Variants in EPRS1 observed in about 807,000 individuals in gnomAD.
The protein encoded by EPRS1 is bifunctional glutamate/proline--tRNA ligase.
Under a neutral mutation model 188.3 loss-of-function variants are expected in EPRS1, and 107 were observed. The observed-to-expected ratio is 0.57, with a 90% CI of 0.49 to 0.67. The LOEUF (loss-of-function observed/expected upper bound fraction) is 0.67, where lower values mean the gene tolerates loss of function less well. EPRS1 is among the 30% of genes least tolerant of loss of function. The probability of loss-of-function intolerance (pLI) is 0.00; values close to 1 mark genes in which losing one functional copy is unlikely to be tolerated. For missense variants in EPRS1, 1,577 were observed against 1,802.2 expected (o/e 0.88, Z 2.26); for synonymous variants, 596 against 593.1 (o/e 1.00, Z -0.07).
rs1660607792 is a variant in EPRS1 at position 219,968,606 on chromosome 1, CATG to C, written c.*197_*199del. On this transcript the variant is annotated 3_prime_UTR_variant, in exon 32 of 32. Transcript: ENST00000366923. ...AATGAATACAAAAACCATATTAGTTCATGATATTTATTACTGGAGTTGTTTACA... is the reference window on the plus strand; with the variant it reads ...AATGAATACAAAAACCATATTAGTTCATATTTATTACTGGAGTTGTTTACA... 2 of 546,040 alleles carry C rather than the reference CATG, an allele frequency of 3.7e-6. No homozygotes were observed. The highest frequency in any genetic ancestry group is 6.5e-6 in the Non-Finnish European group (2 of 306,538). 33.8% of individuals were successfully genotyped at this position (546,040 alleles called of 1,614,324 possible).
At chr1:219,969,816 C>T (rs1660630085) in intron 30 of EPRS1, among the ~76,000 whole-genome samples, 1 of 152,002 alleles carries the variant, frequency 6.6e-6, no homozygotes, top group East Asian at 1.9e-4. Context: ...ACTAGACAAG[C>T]ATTAAAAAAA....
chr1:220,022,583 T>TA, intron 8 of EPRS1, 65 bp from the exon 9 acceptor site: 1 of 1,229,512 alleles, frequency 8.1e-7, no homozygotes, highest in Non-Finnish European at 1.1e-6. Flanking sequence ...CTCATAGTGC[T>TA]ATAATTTGAT....
chr1:219,988,426 T>C (rs927652564), intron 19 of EPRS1, among the ~76,000 whole-genome samples, 164 bp downstream of exon 19: 2 of 151,960 alleles, frequency 1.3e-5, no homozygotes, highest in African/African-American at 4.8e-5. Flanking sequence ...CTAGTTGGCG[T>C]AAGAAACAAT....
intron 15 of EPRS1, 117 bp downstream of exon 15, chr1:220,005,989 A>T: frequency 1.7e-6 from 1 of 572,912 alleles, no homozygotes; most frequent in Non-Finnish European, 2.9e-6. Flanking sequence ...CATTTGATTT[A>T]AATAAAATTC....
chr1:219,980,853 C>A lies in EPRS1; in HGVS notation c.3458G>T (p.Trp1153Leu). 2 of 1,609,154 alleles carry A rather than the reference C, an allele frequency of 1.2e-6. No homozygotes were observed. The highest frequency in any genetic ancestry group is 8.5e-7 in the Non-Finnish European group (1 of 1,176,712). Residue 1153 changes from tryptophan (W) to leucine (L), a missense_variant, in exon 25 of 32, where the codon TGG becomes TTG. Trp to Leu is a moderately conservative substitution (Grantham distance 61). This residue lies in a region of EPRS1 where 1,278 missense variants were observed against 1,457.4 expected (regional missense o/e 0.88). Coordinates refer to ENST00000366923, the MANE Select transcript of EPRS1 (RefSeq NM_004446.3). ...GAAAGGCTGAGGATGCTTGAATTCCCAACGCTGGAAGAGGCAAGAAAACAA... is the reference window on the plus strand; with the variant it reads ...GAAAGGCTGAGGATGCTTGAATTCCAAACGCTGGAAGAGGCAAGAAAACAA... ...KLNQWCNVVR[W>L]EFKHPQPFLR...
rs759409510 is a variant in EPRS1 at position 219,997,012 on chromosome 1, G to A, written c.2512C>T (p.Arg838Cys). The A allele has an allele frequency of 4.4e-6, 7 of 1,606,502 alleles. No homozygotes were observed. The highest frequency in any genetic ancestry group is 1.1e-5 in the South Asian group (1 of 89,896). ...DEVAAQGEVV[R>C]KLKAEKSPKA... The stretch of plus-strand genomic sequence containing the variant: ...GGGGATTTTTCAGCTTTTAGCTTAC[G>A]AACCACCTCCCCTTGTGCAGCAACT... The change falls in exon 18 of 32, where the codon CGT becomes TGT. Residue 838 changes from arginine (R) to cysteine (C), a missense_variant. By Grantham distance (180) the Arg-to-Cys change is radical. Coordinates refer to ENST00000366923, the MANE Select transcript of EPRS1 (RefSeq NM_004446.3).
In EPRS1 at chr1:220,006,321, T is replaced by C. The variant is rs1558052911; in HGVS notation, c.1743-8A>G. On this transcript the variant is annotated splice_polypyrimidine_tract_variant and splice_region_variant and intron_variant, in intron 14 of 31. Coordinates refer to ENST00000366923, the MANE Select transcript of EPRS1 (RefSeq NM_004446.3). Reference sequence around the variant, plus strand: ...ATTTTTCCATCTGCATTTCTAGATATAAGATTAAAAGTATTCAAAGAAATA... The same window carrying C: ...ATTTTTCCATCTGCATTTCTAGATACAAGATTAAAAGTATTCAAAGAAATA... The C allele has an allele frequency of 2.0e-6, 3 of 1,474,204 alleles. No individual in the cohort carries two copies. Among genetic ancestry groups the C allele is most frequent in the African/African-American group, 1.4e-5 (1 of 71,922 alleles). 91.3% of individuals were successfully genotyped at this position (1,474,204 alleles called of 1,614,324 possible).
At chr1:220,045,881 G>C (rs562804723) in intron 1 of EPRS1, among the ~76,000 whole-genome samples, 2 of 152,340 alleles carry the variant, frequency 1.3e-5, no homozygotes, top group African/African-American at 4.8e-5. Context: ...CAAGTGAACT[G>C]AGGATTTCTC....
chr1:220,040,925 T>TAA (rs76831282), intron 1 of EPRS1, among the ~76,000 whole-genome samples: 2 of 130,620 alleles, frequency 1.5e-5, no homozygotes, highest in East Asian at 2.2e-4. Context: ...TTTAAAAAAC[T>TAA]AAAAAAAAAA....
rs1661897607 is a variant in EPRS1 at position 220,022,537 on chromosome 1, A to G, written c.944-19T>C. ...TCAATAGCTATAAAATGATAATTAC[A>G]TTACGGTTCACTAATCTGGTTAAAT... is the stretch of plus-strand genomic sequence containing the variant. On this transcript the variant is annotated intron_variant, in intron 8 of 31. Transcript: ENST00000366923. 1 of 1,571,730 alleles carries G rather than the reference A, an allele frequency of 6.4e-7. No homozygotes were observed. Among genetic ancestry groups the G allele is most frequent in the Non-Finnish European group, 8.7e-7 (1 of 1,148,382 alleles).
rs561586376 is a variant in EPRS1 at position 219,997,614 on chromosome 1, G to A, written c.2182-272C>T. ...ATACCCTAAATCTTTGTCATTAGGG[G>A]ACTAAAGAAATTATAACATATCCAT... On this transcript the variant is annotated intron_variant, in intron 17 of 31. Transcript: ENST00000366923. Among the ~76,000 whole-genome samples the A allele has an allele frequency of 3.3e-5, 5 of 152,216 alleles. No homozygotes were observed. The East Asian group carries it at 9.7e-4, about 29-fold the overall frequency.
chr1:220,038,998 C>T lies in EPRS1; in HGVS notation c.131+1187G>A, dbSNP rs1662243143. On this transcript the variant is annotated intron_variant, in intron 2 of 31. Transcript: ENST00000366923. ...CAACTGCATTTCTTTTGGAAAGATG[C>T]TTTCTTGGCCAGATGAGGAAATTCT... Among the ~76,000 whole-genome samples the T allele has an allele frequency of 3.3e-5, 5 of 152,170 alleles. No individual in the cohort carries two copies. The South Asian group carries it at 1.0e-3, about 32-fold the overall frequency.
At chr1:220,022,084 C>G (rs1259792188) in intron 9 of EPRS1, among the ~76,000 whole-genome samples, 1 of 151,274 alleles carries the variant, frequency 6.6e-6, no homozygotes, top group African/African-American at 2.4e-5. Flanking sequence ...TATACCTAAT[C>G]AATACAAAAA....
At chr1:219,985,837 T>C (rs1195021197) in intron 20 of EPRS1, among the ~76,000 whole-genome samples, 1 of 152,212 alleles carries the variant, frequency 6.6e-6, no homozygotes, top group African/African-American at 2.4e-5. Flanking sequence ...AGGATAGAGA[T>C]GGTCTCTTTT....
chr1:220,032,021 T>G (rs1662092898), intron 5 of EPRS1, among the ~76,000 whole-genome samples: 1 of 151,908 alleles, frequency 6.6e-6, no homozygotes. Flanking sequence ...GAAAATAAAC[T>G]TTATGAGTAG....
chr1:220,004,475 C>G (rs567630195), intron 16 of EPRS1, among the ~76,000 whole-genome samples: 6 of 151,992 alleles, frequency 3.9e-5, no homozygotes, highest in Non-Finnish European at 7.4e-5. Context: ...TTTTGGCAAT[C>G]AAGGAAGCAA....
At chr1:219,980,281 C>G (rs768840036) in intron 25 of EPRS1, 41 bp from the exon 26 acceptor site, 1 of 1,486,670 alleles carries the variant, frequency 6.7e-7, no homozygotes, top group Admixed American at 1.7e-5. Flanking sequence ...ATTTAGGGTA[C>G]ATTTATTCAT....
chr1:219,999,928 A>G (rs1661312768), intron 17 of EPRS1, among the ~76,000 whole-genome samples: 1 of 152,168 alleles, frequency 6.6e-6, no homozygotes, highest in Admixed American at 6.5e-5. Context: ...CTGAGCCAAG[A>G]TCATACCACT....
chr1:220,042,356 G>A (rs949449189), intron 1 of EPRS1, among the ~76,000 whole-genome samples: 2 of 151,520 alleles, frequency 1.3e-5, no homozygotes, highest in Non-Finnish European at 2.9e-5. Flanking sequence ...GGTGGCATGT[G>A]CCTGTAGTCC....
Sources: gnomAD v4.1 joint callset for allele counts (sites outside exome capture counted in the v4.1 genomes callset) on GRCh38, gnomAD v4.1.1 for gene constraint, gnomAD v4.1.1 regional missense constraint, MANE v1.5 for transcripts, NCBI Gene and HGNC (gene_info 2026-07-23, HGNC 2026-07-21) for gene names.